The following PCDHGA2 variants were observed in gnomAD, a reference collection of about 807,000 sequenced individuals.
The protein encoded by PCDHGA2 is protocadherin gamma-A2.
In PCDHGA2, 40 loss-of-function variants were observed where a neutral mutation model predicts 59.2. The observed-to-expected ratio is 0.68, with a 90% CI of 0.52 to 0.88. The LOEUF is 0.88. PCDHGA2 is among the 40% of genes least tolerant of loss of function. The pLI, the probability that PCDHGA2 is intolerant of heterozygous loss-of-function variation, is 0.00. For synonymous variants in PCDHGA2, 560 were observed against 526.0 expected, an observed-to-expected ratio of 1.06 and a Z score of -0.89; for missense variants, 1,226 against 1,204.0, an observed-to-expected ratio of 1.02 and a Z score of -0.27.
At chr5:141,360,831 C>T (rs1179144705) in intron 1 of PCDHGA2, 1 of 1,613,838 alleles carries the variant, frequency 6.2e-7, no homozygotes. Flanking sequence ...GAATCAAAGT[C>T]ACGGATGCCA....
At chr5:141,450,829 ATT>A (rs373424450) in intron 1 of PCDHGA2, among the ~76,000 whole-genome samples, 3 of 135,116 alleles carry the variant, frequency 2.2e-5, no homozygotes, top group African/African-American at 2.7e-5. Flanking sequence ...TATTATTATT[ATT>A]TTTTTTTTTT....
intron 1 of PCDHGA2, chr5:141,475,984 G>T: frequency 1.9e-6 from 2 of 1,069,308 alleles, no homozygotes; most frequent in South Asian, 3.1e-5. Context: ...AACAGCCGGC[G>T]AGCAAATCAA....
At chr5:141,413,257 T>A (rs777964429) in intron 1 of PCDHGA2, 1 of 1,613,836 alleles carries the variant, frequency 6.2e-7, no homozygotes, top group African/African-American at 1.3e-5. Flanking sequence ...CGGGATTCCA[T>A]GGGAGGCTGG....
intron 1 of PCDHGA2, chr5:141,394,981 G>T: frequency 6.2e-7 from 1 of 1,613,964 alleles, no homozygotes; most frequent in Non-Finnish European, 8.5e-7. Flanking sequence ...CACAAGTCAC[G>T]CCTGCTCCAG....
At chr5:141,501,013 C>T (rs1456343329) in intron 2 of PCDHGA2, among the ~76,000 whole-genome samples, 2 of 151,970 alleles carry the variant, frequency 1.3e-5, no homozygotes, top group Non-Finnish European at 2.9e-5. Context: ...GGACTACAGG[C>T]ACGCGCCACC....
intron 1 of PCDHGA2, chr5:141,351,700 C>G: frequency 6.2e-7 from 1 of 1,613,956 alleles, no homozygotes; most frequent in Admixed American, 1.7e-5. Context: ...TGGGACCCAA[C>G]GGCAGAGTCT....
chr5:141,466,450 G>A lies in PCDHGA2; in HGVS notation c.2425-28357G>A, dbSNP rs139024933. Reference sequence around the variant, plus strand: ...TAAGCTGAACCGAGATGTCTATGGTGTTGGCTATTGTTTCTGCTGTTAATT... The same window carrying A: ...TAAGCTGAACCGAGATGTCTATGGTATTGGCTATTGTTTCTGCTGTTAATT... On this transcript the variant is annotated intron_variant, in intron 1 of 3. Coordinates refer to ENST00000394576, the MANE Select transcript of PCDHGA2 (RefSeq NM_018915.4). Among the ~76,000 whole-genome samples, 714 of 152,290 alleles carry A rather than the reference G, an allele frequency of 4.7e-3. 2 individuals are homozygous for A. Among genetic ancestry groups the A allele is most frequent in the Non-Finnish European group, 7.0e-3 (479 of 68,028 alleles).
intron 2 of PCDHGA2, among the ~76,000 whole-genome samples, chr5:141,498,091 C>G (rs2099781521): frequency 6.6e-6 from 1 of 152,156 alleles, no homozygotes; most frequent in African/African-American, 2.4e-5. Context: ...AGAATTGTAT[C>G]TGGTGGTGTG....
Position 141,476,129 on chromosome 5 carries a change from G to A in PCDHGA2, c.2425-18678G>A. ...GCTTTTGAGTGAGATGGTCCCAGAG[G>A]CCTGGAGGAGCGGACTGGTAAGCAC... On this transcript the variant is annotated intron_variant, in intron 1 of 3. Transcript: ENST00000394576. This position sits in a 1 kb window ranked among gnomAD's most constrained non-coding sequence, Gnocchi z 7.6. The A allele has an allele frequency of 6.2e-7, 1 of 1,606,848 alleles. No homozygotes were observed. The highest frequency in any genetic ancestry group is 8.5e-7 in the Non-Finnish European group (1 of 1,177,814).
chr5:141,344,367 G>C, intron 1 of PCDHGA2: 1 of 1,613,568 alleles, frequency 6.2e-7, no homozygotes, highest in Non-Finnish European at 8.5e-7. Context: ...TCTGGTTGAG[G>C]ATAAATTGAA....
At position 141,371,244 on chromosome 5, in the gene PCDHGA2, A is replaced by T. The variant is rs1767599935; in HGVS notation, c.2424+29849A>T. ...CGAAATCATCTATGCCTTCATCAATATTGGCAAGGAAGTGAGACAACTGTT... is the reference window on the plus strand; with the variant it reads ...CGAAATCATCTATGCCTTCATCAATTTTGGCAAGGAAGTGAGACAACTGTT... On this transcript the variant is annotated intron_variant, in intron 1 of 3. Transcript: ENST00000394576. 1.9e-6 allele frequency: 3 copies of T among 1,614,038 alleles called. No individual in the cohort carries two copies. Among genetic ancestry groups the T allele is most frequent in the Non-Finnish European group, 2.5e-6 (3 of 1,179,908 alleles).
intron 1 of PCDHGA2, chr5:141,403,178 T>C (rs1294905670): frequency 6.2e-7 from 1 of 1,613,980 alleles, no homozygotes; most frequent in Middle Eastern, 1.7e-4. Flanking sequence ...GCAGCTTTTC[T>C]CTCTGAACCC....
chr5:141,420,415 TAAAAC>T, intron 1 of PCDHGA2: 1 of 1,217,298 alleles, frequency 8.2e-7, no homozygotes, highest in Non-Finnish European at 1.1e-6. Flanking sequence ...TTATCATTAT[TAAAAC>T]AAAAGTTTAA....
At chr5:141,419,916 C>T in intron 1 of PCDHGA2, 1 of 1,614,080 alleles carries the variant, frequency 6.2e-7, no homozygotes, top group Non-Finnish European at 8.5e-7. Context: ...GACTCCCAGG[C>T]TGAGATGCAG....
chr5:141,481,351 A>G (rs2099536232), intron 1 of PCDHGA2, among the ~76,000 whole-genome samples: 1 of 152,152 alleles, frequency 6.6e-6, no homozygotes, highest in Non-Finnish European at 1.5e-5. Context: ...TTAAACATCT[A>G]CAGCTGTTCA....
chr5:141,408,699 CAATT>C (rs778787749), intron 1 of PCDHGA2: 9 of 1,613,534 alleles, frequency 5.6e-6, no homozygotes, highest in Non-Finnish European at 6.8e-6. Flanking sequence ...AACATAAACT[CAATT>C]AAAGATTATA....
At chr5:141,448,220 G>A (rs750470070) in intron 1 of PCDHGA2, among the ~76,000 whole-genome samples, 9 of 152,148 alleles carry the variant, frequency 5.9e-5, no homozygotes, top group Non-Finnish European at 1.0e-4. Flanking sequence ...GTATGCGAAT[G>A]TATGTGTGGG....
chr5:141,434,981 T>C (rs2097734526), intron 1 of PCDHGA2, among the ~76,000 whole-genome samples: 1 of 152,054 alleles, frequency 6.6e-6, no homozygotes. Flanking sequence ...GTTAATACTC[T>C]ATATCATTTT....
At chr5:141,345,503 A>G (rs768035352) in intron 1 of PCDHGA2, 2 of 1,614,120 alleles carry the variant, frequency 1.2e-6, no homozygotes, top group East Asian at 2.2e-5. Context: ...TCACTTATGC[A>G]TTGACCGAGG....
Sources: gnomAD v4.1 joint callset for allele counts (sites outside exome capture counted in the v4.1 genomes callset) on GRCh38, gnomAD v4.1.1 for gene constraint, Gnocchi (gnomAD v3.1) non-coding constraint, MANE v1.5 for transcripts, NCBI Gene and HGNC (gene_info 2026-07-23, HGNC 2026-07-21) for gene names.